The following ENOX1 variants were observed in gnomAD, a reference collection of about 807,000 sequenced individuals.
ENOX1 encodes candidate growth-related and time keeping constitutive hydroquinone (NADH) oxidase.
Under a neutral mutation model 82.5 loss-of-function variants are expected in ENOX1, and 42 were observed. The ratio of observed to expected loss-of-function variants is 0.51; its 90% CI spans 0.40 to 0.66. The LOEUF is 0.66. Ranked by LOEUF, ENOX1 falls within the 30% of genes least tolerant of loss-of-function variation. ENOX1 has a pLI of 0.00. For synonymous variants in ENOX1, 271 were observed against 282.2 expected (o/e 0.96, Z 0.40); for missense variants, 608 against 811.6 (o/e 0.75, Z 3.05).
chr13:43,594,050 T>A lies in ENOX1; in HGVS notation c.-219+73429A>T, dbSNP rs566520099. Among the ~76,000 whole-genome samples the A allele has an allele frequency of 2.3e-4, 35 of 152,152 alleles. No homozygotes were observed. The South Asian group carries it at 7.3e-3, about 32-fold the overall frequency. On this transcript the variant is annotated intron_variant, in intron 2 of 16. Transcript: ENST00000690772. ...CATTGTGCTCGGAGGAGTGAAGGGA[T>A]TACAAGAGGGCAAAATAAACTCTTC...
chr13:43,284,338 C>T (rs535072243), intron 12 of ENOX1, among the ~76,000 whole-genome samples: 17 of 151,260 alleles, frequency 1.1e-4, no homozygotes, highest in African/African-American at 3.9e-4. Context: ...TGGCATACCA[C>T]CCTATGTTTA....
chr13:43,220,980 T>A (rs911839418), intron 16 of ENOX1, among the ~76,000 whole-genome samples: 1 of 152,218 alleles, frequency 6.6e-6, no homozygotes, highest in South Asian at 2.1e-4. Context: ...GACATTTAAA[T>A]TTTGTGTTTG....
intron 12 of ENOX1, among the ~76,000 whole-genome samples, chr13:43,297,867 G>A (rs1254125704): frequency 2.6e-5 from 4 of 152,084 alleles, no homozygotes; most frequent in South Asian, 2.1e-4. Context: ...TCTTAAACAC[G>A]TAATGTGCTC....
intron 2 of ENOX1, among the ~76,000 whole-genome samples, chr13:43,591,286 T>C (rs2081235076): frequency 6.6e-6 from 1 of 152,154 alleles, no homozygotes; most frequent in African/African-American, 2.4e-5. Context: ...AGTCATACAA[T>C]GGAATATTTC....
chr13:43,775,161 T>TA (rs1951843121), intron 1 of ENOX1, among the ~76,000 whole-genome samples: 2 of 152,154 alleles, frequency 1.3e-5, no homozygotes, highest in South Asian at 4.1e-4. Context: ...TTTCTTTTTT[T>TA]AGAGACAAAG....
At chr13:43,486,277 G>A (rs746663120) in intron 2 of ENOX1, among the ~76,000 whole-genome samples, 6 of 152,012 alleles carry the variant, frequency 3.9e-5, no homozygotes, top group Admixed American at 6.5e-5. Context: ...CTGGCTACTC[G>A]GGAGGCTGAG....
intron 2 of ENOX1, among the ~76,000 whole-genome samples, chr13:43,594,690 A>G (rs917213073): frequency 6.6e-6 from 1 of 152,294 alleles, no homozygotes; most frequent in African/African-American, 2.4e-5. Flanking sequence ...GAGGGAGAGA[A>G]CTTACTTAAT....
intron 2 of ENOX1, among the ~76,000 whole-genome samples, chr13:43,513,777 G>T (rs4245322): frequency 0.37 from 55,785 of 151,936 alleles, 12,214 homozygotes; most frequent in Non-Finnish European, 0.5. Flanking sequence ...CAATAAAAAA[G>T]GAGAAAAATC....
chr13:43,289,859 G>A (rs1422928165), intron 12 of ENOX1, among the ~76,000 whole-genome samples: 1 of 151,906 alleles, frequency 6.6e-6, no homozygotes, highest in African/African-American at 2.4e-5. Context: ...ACAATCTCTA[G>A]GGAACTTAAA....
rs1337849766 is a variant in ENOX1 at position 43,633,680 on chromosome 13, A to ATGTGTGTG, written c.-219+33798_-219+33799insCACACACA. Among the ~76,000 whole-genome samples, 36 of 41,078 alleles carry ATGTGTGTG rather than the reference A, an allele frequency of 8.8e-4. No homozygotes were observed. In the Admixed American group the frequency reaches 0.011, roughly 13 times the overall value. The allele number at this position is 41,078 out of a possible 152,430, so 26.9% of individuals were successfully genotyped here. ...AACATAATGCTATTTACATTTTAAA[A>ATGTGTGTG]TGTGTGTATGTGTGTGTGTGTGTGT... On this transcript the variant is annotated intron_variant, in intron 2 of 16. Transcript: ENST00000690772.
intron 3 of ENOX1, among the ~76,000 whole-genome samples, chr13:43,465,682 A>T (rs1462678223): frequency 6.6e-6 from 1 of 152,204 alleles, no homozygotes; most frequent in East Asian, 1.9e-4. Context: ...TTATATGCAC[A>T]TGTCTATAAT....
intron 11 of ENOX1, among the ~76,000 whole-genome samples, chr13:43,300,098 C>T (rs760687914): frequency 6.6e-5 from 10 of 152,178 alleles, no homozygotes; most frequent in Non-Finnish European, 1.3e-4. Context: ...AACTACTAAT[C>T]AGACAGAACA....
intron 11 of ENOX1, among the ~76,000 whole-genome samples, chr13:43,321,469 C>G: frequency 6.6e-6 from 1 of 152,192 alleles, no homozygotes; most frequent in East Asian, 1.9e-4. Context: ...ACAGAGCATC[C>G]TGACCACTTT....
intron 1 of ENOX1, among the ~76,000 whole-genome samples, chr13:43,710,135 A>T (rs2087591320): frequency 6.6e-6 from 1 of 152,120 alleles, no homozygotes; most frequent in East Asian, 1.9e-4. Context: ...AGAGTATTAA[A>T]ATAGGAGGGG....
intron 5 of ENOX1, among the ~76,000 whole-genome samples, chr13:43,379,935 A>G (rs1287588539): frequency 6.6e-6 from 1 of 152,002 alleles, no homozygotes; most frequent in East Asian, 1.9e-4. Flanking sequence ...TATTACATAC[A>G]GAGGAACTAA....
intron 3 of ENOX1, chr13:43,458,801 C>T (rs71429456): frequency 6.6e-6 from 1 of 152,098 alleles, no homozygotes; most frequent in Non-Finnish European, 1.5e-5. Flanking sequence ...TCTCACACCT[C>T]CCCCTCCCCA....
At chr13:43,737,315 C>T (rs1003038248) in intron 1 of ENOX1, among the ~76,000 whole-genome samples, 45 of 152,200 alleles carry the variant, frequency 3.0e-4, no homozygotes, top group African/African-American at 1.1e-3. Context: ...GGAGCACTAA[C>T]AGTAAATACC....
chr13:43,489,021 C>T (rs776910553), intron 2 of ENOX1, among the ~76,000 whole-genome samples: 17 of 152,158 alleles, frequency 1.1e-4, no homozygotes, highest in East Asian at 3.9e-4. Context: ...AAATTAAGTG[C>T]GTTTAGAAGA....
intron 8 of ENOX1, among the ~76,000 whole-genome samples, chr13:43,350,947 G>C (rs959250919): frequency 1.3e-5 from 2 of 152,188 alleles, no homozygotes; most frequent in Non-Finnish European, 2.9e-5. Context: ...AACAAGGAAG[G>C]CATTCTAAAA....
Sources: allele counts gnomAD v4.1 joint callset (sites outside exome capture counted in the v4.1 genomes callset), GRCh38; gene constraint gnomAD v4.1.1; transcripts MANE v1.5; gene names NCBI Gene and HGNC (gene_info 2026-07-23, HGNC 2026-07-21).